Variants in GOLIM4 observed in about 807,000 individuals in gnomAD.
The protein encoded by GOLIM4 is golgi integral membrane protein 4.
A neutral mutation model predicts 107.4 loss-of-function variants in GOLIM4; 71 were observed. The observed-to-expected ratio is 0.66, with a 90% CI of 0.55 to 0.81. The LOEUF (loss-of-function observed/expected upper bound fraction) is 0.81. Ranked by LOEUF, GOLIM4 falls within the 30% of genes least tolerant of loss-of-function variation. GOLIM4 has a pLI of 0.00. For synonymous variants in GOLIM4, 327 were observed against 294.8 expected, an observed-to-expected ratio of 1.11 and a Z score of -1.12; for missense variants, 830 against 826.1, an observed-to-expected ratio of 1.00 and a Z score of -0.06.
At chr3:168,087,634 T>C (rs2108295096) in intron 1 of GOLIM4, among the ~76,000 whole-genome samples, 1 of 152,308 alleles carries the variant, frequency 6.6e-6, no homozygotes, top group South Asian at 2.1e-4. Flanking sequence ...ATGACCCACC[T>C]AACCTACTTT....
At chr3:168,052,346 A>G (rs1719695188) in intron 1 of GOLIM4, among the ~76,000 whole-genome samples, 1 of 142,780 alleles carries the variant, frequency 7.0e-6, no homozygotes, top group Non-Finnish European at 1.5e-5. Flanking sequence ...GTGTATATGC[A>G]TATATGTGCA....
intron 1 of GOLIM4, among the ~76,000 whole-genome samples, chr3:168,085,205 A>C (rs1360626758): frequency 6.6e-6 from 1 of 152,246 alleles, no homozygotes. Context: ...GATCAATTCC[A>C]GGACACTATC....
At chr3:168,074,133 C>T (rs1720959881) in intron 1 of GOLIM4, among the ~76,000 whole-genome samples, 1 of 152,152 alleles carries the variant, frequency 6.6e-6, no homozygotes, top group Non-Finnish European at 1.5e-5. Context: ...GGTATCTGGA[C>T]AACAGTGAGG....
At chr3:168,027,333 G>T (rs968576600) in intron 12 of GOLIM4, among the ~76,000 whole-genome samples, 11 of 152,132 alleles carry the variant, frequency 7.2e-5, no homozygotes, top group African/African-American at 2.7e-4. Context: ...AACATGCTCA[G>T]GAAGGGTTAG....
rs1722135080 is a variant in GOLIM4, at chr3:168,095,353, C to A, written c.-68G>T. The A allele has an allele frequency of 2.1e-6, 3 of 1,399,546 alleles. No individual in the cohort carries two copies. Among genetic ancestry groups the A allele is most frequent in the Non-Finnish European group, 2.0e-6 (2 of 1,015,752 alleles). 86.7% of individuals were successfully genotyped at this position (1,399,546 alleles called of 1,614,324 possible). A position where few individuals can be genotyped will look rare whatever the true frequency, so the allele number is the denominator to read the frequency against. ...CTCCCCTTGGTCCGAGCGAGCGTCT[C>A]AGCAGCGGCCGCCGCAGTAGGTGGC... On this transcript the variant is annotated 5_prime_UTR_variant, in exon 1 of 16. It removes the in-frame stop codon of an upstream open reading frame in the 5' UTR. Coordinates refer to ENST00000470487, the MANE Select transcript of GOLIM4 (RefSeq NM_014498.5).
chr3:168,068,874 T>C (rs4557204), intron 1 of GOLIM4, among the ~76,000 whole-genome samples: 4,632 of 151,682 alleles, frequency 0.031, 230 homozygotes, highest in African/African-American at 0.11. Context: ...TTCACTCTTG[T>C]TGCCCAGGCT....
intron 1 of GOLIM4, among the ~76,000 whole-genome samples, chr3:168,063,859 T>C (rs1720406668): frequency 6.6e-6 from 1 of 151,790 alleles, no homozygotes; most frequent in South Asian, 2.1e-4. Flanking sequence ...ATCCTGCACA[T>C]GTACCCCCGA....
chr3:168,060,249 A>G (rs780788683), intron 1 of GOLIM4, among the ~76,000 whole-genome samples: 18 of 152,204 alleles, frequency 1.2e-4, no homozygotes, highest in Middle Eastern at 3.4e-3. Context: ...AGCAGAAATG[A>G]TGTTGACTTA....
intron 1 of GOLIM4, among the ~76,000 whole-genome samples, chr3:168,053,582 C>T (rs545519825): frequency 1.3e-5 from 2 of 152,110 alleles, no homozygotes; most frequent in Admixed American, 6.5e-5. Context: ...AAAGATGACA[C>T]AAAAAGGAGA....
At chr3:168,039,516 G>A (rs1453159249) in intron 7 of GOLIM4, among the ~76,000 whole-genome samples, 4 of 151,898 alleles carry the variant, frequency 2.6e-5, no homozygotes, top group Non-Finnish European at 5.9e-5. Flanking sequence ...CACCCGCCTC[G>A]GCCTCCCAAA....
rs553831975 is a variant in GOLIM4, at chr3:168,012,290, C to T, written c.1861-1467G>A. On this transcript the variant is annotated intron_variant, in intron 14 of 15. Coordinates refer to ENST00000470487, the MANE Select transcript of GOLIM4 (RefSeq NM_014498.5). The stretch of plus-strand genomic sequence containing the variant: ...AATCAACTGTAAGAAAGGGTATCAG[C>T]GATGGAAGATGAAATGAATGAAATG... Among the ~76,000 whole-genome samples, 9 of 137,526 alleles carry T rather than the reference C, an allele frequency of 6.5e-5. No individual in the cohort carries two copies. In the South Asian group the frequency reaches 1.3e-3, roughly 19 times the overall value. The allele number at this position is 137,526 out of a possible 152,430, so 90.2% of individuals were successfully genotyped here. A position where few individuals can be genotyped will look rare whatever the true frequency, so the allele number is the denominator to read the frequency against.
At chr3:168,076,621 G>A (rs1721096501) in intron 1 of GOLIM4, among the ~76,000 whole-genome samples, 1 of 152,150 alleles carries the variant, frequency 6.6e-6, no homozygotes, top group South Asian at 2.1e-4. Flanking sequence ...AACCTGGGAG[G>A]CAGAGGTTGC....
intron 12 of GOLIM4, among the ~76,000 whole-genome samples, chr3:168,026,181 T>C (rs1179906693): frequency 1.3e-5 from 2 of 152,192 alleles, no homozygotes; most frequent in Admixed American, 6.5e-5. Flanking sequence ...CCAGTGCAAA[T>C]GACACTATTC....
intron 1 of GOLIM4, among the ~76,000 whole-genome samples, chr3:168,066,946 TG>T (rs1293360785): frequency 6.6e-6 from 1 of 152,142 alleles, no homozygotes; most frequent in South Asian, 2.1e-4. Flanking sequence ...TTCTTGTGAG[TG>T]TGATTCAAGA....
chr3:168,029,902 C>T lies in GOLIM4; in HGVS notation c.1311G>A (p.Gln437=), dbSNP rs1718218118. Residue 437 remains glutamine (Q), a synonymous_variant, in exon 10 of 16, where the codon CAG becomes CAA. Coordinates refer to ENST00000470487, the MANE Select transcript of GOLIM4 (RefSeq NM_014498.5). ...LREHQEALHQ[Q]RLQGHLLRQQ... Reference sequence around the variant, plus strand: ...GCCGTAGTAAGTGCCCCTGCAGCCTCTGCTGGTGCAAAGCTTCCTGGTGTT... The same window carrying T: ...GCCGTAGTAAGTGCCCCTGCAGCCTTTGCTGGTGCAAAGCTTCCTGGTGTT... 1 of 1,614,050 alleles carries T rather than the reference C, an allele frequency of 6.2e-7. No individual in the cohort carries two copies. Among genetic ancestry groups the T allele is most frequent in the Non-Finnish European group, 8.5e-7 (1 of 1,180,042 alleles).
rs76106530 is a variant in GOLIM4, at chr3:168,040,509, C to A, written c.684+277G>T. 1.3e-3 allele frequency among the ~76,000 whole-genome samples: 194 copies of A among 152,276 alleles called. 1 individual carries two copies. The East Asian group carries it at 0.013, about 10-fold the overall frequency. ...TTGCAAAAGACTATATATGTGAGAT[C>A]ATTTCTGTGATTTAAACAAGTATTA... On this transcript the variant is annotated intron_variant, in intron 7 of 15. Transcript: ENST00000470487.
At chr3:168,043,749 C>T (rs924647639) in intron 4 of GOLIM4, among the ~76,000 whole-genome samples, 16 of 152,110 alleles carry the variant, frequency 1.1e-4, no homozygotes, top group African/African-American at 3.9e-4. Flanking sequence ...AATAATTTTC[C>T]CCTTAATTTT....
In GOLIM4 at chr3:168,032,666, C is replaced by A; in HGVS notation, c.1030G>T (p.Glu344Ter). ...QVEEEHRKAL[E>*]EEEMEQVGQA... ...CCGACCTGCTCCATTTCTTCCTCCT[C>A]CAGGGCCTTTCTGTGCTCCTCTTCC... Residue 344 changes from glutamate (E) to a stop codon, truncating the protein, a stop_gained, in exon 9 of 16, where the codon GAG becomes TAG. Transcript: ENST00000470487. LOFTEE classifies it high-confidence loss of function. 6.2e-7 allele frequency: 1 copy of A among 1,614,066 alleles called. No homozygotes were observed. Among genetic ancestry groups the A allele is most frequent in the Non-Finnish European group, 8.5e-7 (1 of 1,180,010 alleles).
Position 168,024,940 on chromosome 3 carries a change from C to T in GOLIM4, c.1779G>A (p.Glu593=), listed in dbSNP as rs113725915. The T allele has an allele frequency of 5.1e-5, 83 of 1,613,822 alleles. No homozygotes were observed. In the African/African-American group the frequency reaches 8.8e-4, roughly 17 times the overall value. The change falls in exon 13 of 16, where the codon GAG becomes GAA. Residue 593 remains glutamate (E), a synonymous_variant. Transcript: ENST00000470487. The stretch of plus-strand genomic sequence containing the variant: ...GGCATCTGCTTACCACCAAATGTTC[C>T]TCCACTTCTGTATTCTCTTGCTTTT... The part of the protein sequence containing the change: ...SNQKQENTEV[E]EHLVMAGNPD...
Sources: gnomAD v4.1 joint callset for allele counts (sites outside exome capture counted in the v4.1 genomes callset) on GRCh38, gnomAD v4.1.1 for gene constraint, MANE v1.5 for transcripts, NCBI Gene and HGNC (gene_info 2026-07-23, HGNC 2026-07-21) for gene names.